Variants in TAFA2 observed in about 807,000 individuals in gnomAD.
TAFA2 encodes chemokine-like protein TAFA-2.
In TAFA2, 7 loss-of-function variants were observed where a neutral mutation model predicts 18.8. That is an observed-to-expected ratio of 0.37 (90% CI 0.21 to 0.70). The LOEUF is 0.70. TAFA2 is among the 30% of genes least tolerant of loss of function. The pLI is 0.53. For synonymous variants in TAFA2, 60 were observed against 54.2 expected (o/e 1.11, Z -0.47); for missense variants, 122 against 158.1 (o/e 0.77, Z 1.23).
rs758235053 is a variant in TAFA2, at chr12:61,770,040, CA to C, written c.107-15017del. Among the ~76,000 whole-genome samples the C allele has an allele frequency of 8.6e-5, 13 of 151,594 alleles. No homozygotes were observed. In the East Asian group the frequency reaches 2.2e-3, roughly 25 times the overall value. On this transcript the variant is annotated intron_variant, in intron 2 of 4. Transcript: ENST00000416284. ...TCTCTAAAGAAATATATGGCATAAA[CA>C]AAAAACAATCAGAACTTCTGGGAAG...
intron 1 of TAFA2, among the ~76,000 whole-genome samples, chr12:62,247,535 C>T (rs2062892573): frequency 6.6e-6 from 1 of 152,170 alleles, no homozygotes; most frequent in African/African-American, 2.4e-5. Flanking sequence ...GTTCAAAGTA[C>T]AAAACCGCAT....
intron 1 of TAFA2, among the ~76,000 whole-genome samples, chr12:62,201,645 G>C (rs997719044): frequency 6.6e-6 from 1 of 152,108 alleles, no homozygotes; most frequent in Non-Finnish European, 1.5e-5. Flanking sequence ...TTTGCCAGTT[G>C]AGGATTTTTG....
chr12:61,898,993 C>G (rs1051710329), intron 1 of TAFA2, among the ~76,000 whole-genome samples: 2 of 152,160 alleles, frequency 1.3e-5, no homozygotes, highest in Non-Finnish European at 2.9e-5. Flanking sequence ...TTCCACAGAT[C>G]TCTAGGGCAG....
At chr12:62,082,619 T>A (rs1345235839) in intron 1 of TAFA2, among the ~76,000 whole-genome samples, 2 of 152,162 alleles carry the variant, frequency 1.3e-5, no homozygotes, top group African/African-American at 4.8e-5. Flanking sequence ...AGATATTTCT[T>A]CCAAGGAGCA....
At chr12:62,047,800 A>T (rs1881948659) in intron 1 of TAFA2, among the ~76,000 whole-genome samples, 2 of 152,184 alleles carry the variant, frequency 1.3e-5, no homozygotes, top group South Asian at 4.1e-4. Flanking sequence ...TCAAGATTAT[A>T]GTTCCAGATT....
chr12:61,762,157 A>T (rs1351479136), intron 2 of TAFA2, among the ~76,000 whole-genome samples: 1 of 152,044 alleles, frequency 6.6e-6, no homozygotes, highest in Non-Finnish European at 1.5e-5. Flanking sequence ...TTTTCTTTAT[A>T]AATTACCCAG....
chr12:62,056,341 G>C (rs1330853339), intron 1 of TAFA2, among the ~76,000 whole-genome samples: 1 of 152,062 alleles, frequency 6.6e-6, no homozygotes, highest in East Asian at 1.9e-4. Flanking sequence ...AGTATGAATA[G>C]AATACGATTA....
chr12:61,741,787 A>C lies in TAFA2; in HGVS notation c.384+11835T>G, dbSNP rs577905939. Among the ~76,000 whole-genome samples the C allele has an allele frequency of 1.8e-4, 28 of 152,284 alleles. No homozygotes were observed. In the South Asian group the frequency reaches 5.8e-3, roughly 32 times the overall value. On this transcript the variant is annotated intron_variant, in intron 4 of 4. Transcript: ENST00000416284. ...AATCTGAATCCCCAAAATCTAGCACAATGTCTGGCACATACCCACATAGAG... is the reference window on the plus strand; with the variant it reads ...AATCTGAATCCCCAAAATCTAGCACCATGTCTGGCACATACCCACATAGAG...
intron 1 of TAFA2, among the ~76,000 whole-genome samples, chr12:62,010,535 G>C (rs1880702828): frequency 6.6e-6 from 1 of 152,184 alleles, no homozygotes; most frequent in Non-Finnish European, 1.5e-5. Context: ...GCCTGCCTTG[G>C]CCTCCCAAAG....
At chr12:61,768,473 T>G (rs1157826676) in intron 2 of TAFA2, among the ~76,000 whole-genome samples, 1 of 152,096 alleles carries the variant, frequency 6.6e-6, no homozygotes, top group African/African-American at 2.4e-5. Context: ...GGCTTGCCAC[T>G]GTAGGTTTCG....
intron 1 of TAFA2, among the ~76,000 whole-genome samples, chr12:62,213,511 C>T (rs552284510): frequency 1.6e-4 from 25 of 151,876 alleles, no homozygotes; most frequent in Non-Finnish European, 3.1e-4. Flanking sequence ...GGCATGGTGG[C>T]GCGTGCCTGT....
chr12:61,801,859 A>G (rs1871410594), intron 2 of TAFA2, among the ~76,000 whole-genome samples: 1 of 152,132 alleles, frequency 6.6e-6, no homozygotes. Context: ...CAAACTATTC[A>G]TCCAACAAGG....
chr12:62,126,552 A>C (rs1350852514), intron 1 of TAFA2, among the ~76,000 whole-genome samples: 1 of 152,034 alleles, frequency 6.6e-6, no homozygotes, highest in South Asian at 2.1e-4. Context: ...CCTTTTGAAA[A>C]CATGGAGGTT....
In TAFA2 at chr12:62,061,409, A is replaced by G. The variant is rs113528417; in HGVS notation, c.-2+129850T>C. ...GTGTGTAGCCTAGGAGCAACAGACTATACCATATAGCCTCGGTGTGTAGTC... is the reference window on the plus strand; with the variant it reads ...GTGTGTAGCCTAGGAGCAACAGACTGTACCATATAGCCTCGGTGTGTAGTC... On this transcript the variant is annotated intron_variant, in intron 1 of 4. Transcript: ENST00000416284. Among the ~76,000 whole-genome samples, 1,334 of 152,346 alleles carry G rather than the reference A, an allele frequency of 8.8e-3. 13 individuals are homozygous for G. Among genetic ancestry groups the G allele is most frequent in the African/African-American group, 0.03 (1,252 of 41,588 alleles).
At chr12:62,035,962 G>A (rs370541002) in intron 1 of TAFA2, among the ~76,000 whole-genome samples, 1 of 151,472 alleles carries the variant, frequency 6.6e-6, no homozygotes, top group Admixed American at 6.6e-5. Context: ...GGATGGTCTC[G>A]ATCTCCTGAC....
chr12:61,928,656 C>T lies in TAFA2; in HGVS notation c.-1-61230G>A, dbSNP rs538351486. Among the ~76,000 whole-genome samples the T allele has an allele frequency of 5.3e-5, 8 of 152,270 alleles. No individual in the cohort carries two copies. In the East Asian group the frequency reaches 1.5e-3, roughly 29 times the overall value. On this transcript the variant is annotated intron_variant, in intron 1 of 4. Coordinates refer to ENST00000416284, the MANE Select transcript of TAFA2 (RefSeq NM_178539.5). ...GAAATACCACTTGACCCAGCAATCCCATTACTGGGTACATACCCAAAGGAT... is the reference window on the plus strand; with the variant it reads ...GAAATACCACTTGACCCAGCAATCCTATTACTGGGTACATACCCAAAGGAT...
In TAFA2 at chr12:62,058,921, G is replaced by T. The variant is rs1472549611; in HGVS notation, c.-2+132338C>A. Reference sequence around the variant, plus strand: ...GATCGAGACTATCCTGGCTAACACGGTGAAACCCCGTCTCTACTAAAAATA... The same window carrying T: ...GATCGAGACTATCCTGGCTAACACGTTGAAACCCCGTCTCTACTAAAAATA... On this transcript the variant is annotated intron_variant, in intron 1 of 4. Coordinates refer to ENST00000416284, the MANE Select transcript of TAFA2 (RefSeq NM_178539.5). Among the ~76,000 whole-genome samples the T allele has an allele frequency of 2.0e-5, 3 of 152,128 alleles. No homozygotes were observed. In the East Asian group the frequency reaches 5.8e-4, roughly 29 times the overall value.
intron 1 of TAFA2, among the ~76,000 whole-genome samples, chr12:62,058,456 G>A (rs1328804336): frequency 6.6e-6 from 1 of 152,180 alleles, no homozygotes; most frequent in Non-Finnish European, 1.5e-5. Flanking sequence ...GCTGGGCACT[G>A]ATTTACAGAC....
In TAFA2 at chr12:62,177,903, G is replaced by C. The variant is rs532322052; in HGVS notation, c.-2+13356C>G. Among the ~76,000 whole-genome samples the C allele has an allele frequency of 3.9e-4, 55 of 139,296 alleles. 1 individual carries two copies. In the South Asian group the frequency reaches 0.011, roughly 27 times the overall value. The allele number at this position is 139,296 out of a possible 152,430, so 91.4% of individuals were successfully genotyped here. A position where few individuals can be genotyped will look rare whatever the true frequency, so the allele number is the denominator to read the frequency against. ...CAGTTCTCACCAGAATGACTGAATA[G>C]CTCTGTAGCTGGTGTCACTGGCTTC... is the stretch of plus-strand genomic sequence containing the variant. On this transcript the variant is annotated intron_variant, in intron 1 of 4. Coordinates refer to ENST00000416284, the MANE Select transcript of TAFA2 (RefSeq NM_178539.5).
Sources: allele counts gnomAD v4.1 joint callset (sites outside exome capture counted in the v4.1 genomes callset), GRCh38; gene constraint gnomAD v4.1.1; transcripts MANE v1.5; gene names NCBI Gene and HGNC (gene_info 2026-07-23, HGNC 2026-07-21).